Variants in ERICH1 observed in about 807,000 individuals in gnomAD.
The protein encoded by ERICH1 is glutamate-rich protein 1.
Under a neutral mutation model 39.6 loss-of-function variants are expected in ERICH1, and 56 were observed. The observed-to-expected ratio is 1.41, with a 90% confidence interval of 1.14 to 1.77. The LOEUF (loss-of-function observed/expected upper bound fraction) is 1.77, where lower values mean the gene tolerates loss of function less well. Among genes scored for constraint, ERICH1 ranks in the 40% most tolerant of loss-of-function variants. ERICH1 has a pLI of 0.00. For synonymous variants in ERICH1, 313 were observed against 223.6 expected, an observed-to-expected ratio of 1.40 and a Z score of -3.57; for missense variants, 826 against 575.4, an observed-to-expected ratio of 1.44 and a Z score of -4.45.
rs1804910648 is a variant in ERICH1 at position 676,706 on chromosome 8, ACCACGGGCGTCTGTGCCACGG to A, written c.305-2680_305-2660del. Among the ~76,000 whole-genome samples the A allele has an allele frequency of 5.3e-5, 8 of 152,296 alleles. No homozygotes were observed. In the South Asian group the frequency reaches 1.7e-3, roughly 32 times the overall value. On this transcript the variant is annotated intron_variant, in intron 3 of 5. Coordinates refer to ENST00000262109, the MANE Select transcript of ERICH1 (RefSeq NM_207332.3). Reference sequence around the variant, plus strand: ...CCAGACACTGATGGGTAAAGTCTATACCACGGGCGTCTGTGCCACGGCCGGCACACGGCTCCCGGGTGTTGC... The same window carrying A: ...CCAGACACTGATGGGTAAAGTCTATACCGGCACACGGCTCCCGGGTGTTGC...
At chr8:717,635 A>T (rs1816316975) in intron 1 of ERICH1, among the ~76,000 whole-genome samples, 1 of 152,246 alleles carries the variant, frequency 6.6e-6, no homozygotes, top group African/African-American at 2.4e-5. Context: ...AGCCAAAACA[A>T]ATTCTAAGAC....
At chr8:721,581 A>G (rs1475032325) in intron 1 of ERICH1, among the ~76,000 whole-genome samples, 3 of 152,218 alleles carry the variant, frequency 2.0e-5, no homozygotes, top group African/African-American at 7.2e-5. Context: ...TTTTAGACCA[A>G]AACCACACTG....
chr8:676,682 C>T (rs1237912358), intron 3 of ERICH1, among the ~76,000 whole-genome samples: 1 of 152,234 alleles, frequency 6.6e-6, no homozygotes, highest in East Asian at 1.9e-4. Flanking sequence ...AAGCCCCGCC[C>T]AGACACTGAT....
chr8:616,433 C>T (rs910069581), intron 3 of ERICH1: 3 of 435,428 alleles, frequency 6.9e-6, no homozygotes, highest in Non-Finnish European at 4.6e-6. Context: ...CCGCACACCC[C>T]ATGCTCTCCT....
intron 3 of ERICH1, chr8:627,378 TGA>T: frequency 2.7e-6 from 1 of 364,552 alleles, no homozygotes; most frequent in Non-Finnish European, 5.5e-6. Flanking sequence ...TGCACCTCAC[TGA>T]GAGCCTCGAC....
Position 668,639 on chromosome 8 carries a change from T to G in ERICH1, c.1217A>C (p.His406Pro). Residue 406 changes from histidine (H) to proline (P), a missense_variant, in exon 5 of 6, where the codon CAT becomes CCT. Coordinates refer to ENST00000262109, the MANE Select transcript of ERICH1 (RefSeq NM_207332.3). Reference sequence around the variant, plus strand: ...ATGTTCTGGGAACATTTCCAGAGCATGCTTCAATCTCTCAGTATCTTGCAG... The same window carrying G: ...ATGTTCTGGGAACATTTCCAGAGCAGGCTTCAATCTCTCAGTATCTTGCAG... ...LLLQDTERLKHALEMFPEHCT... is the reference protein window; with the variant it reads ...LLLQDTERLKPALEMFPEHCT... The G allele has an allele frequency of 6.2e-7, 1 of 1,614,262 alleles. No individual in the cohort carries two copies. Among genetic ancestry groups the G allele is most frequent in the East Asian group, 2.2e-5 (1 of 44,888 alleles).
At chr8:687,637 A>AGC (rs528671729) in intron 3 of ERICH1, among the ~76,000 whole-genome samples, 201 of 152,238 alleles carry the variant, frequency 1.3e-3, no homozygotes, top group African/African-American at 4.7e-3. Context: ...GGAGGAAGGC[A>AGC]GCGCGCGGGG....
chr8:665,054 G>T (rs183931008), intron 5 of ERICH1, among the ~76,000 whole-genome samples: 1 of 152,210 alleles, frequency 6.6e-6, no homozygotes, highest in Non-Finnish European at 1.5e-5. Flanking sequence ...TCTCAAGGGT[G>T]AGCAAGTAGA....
At chr8:726,792 A>C (rs1379625678) in intron 1 of ERICH1, among the ~76,000 whole-genome samples, 2 of 151,818 alleles carry the variant, frequency 1.3e-5, no homozygotes, top group Non-Finnish European at 2.9e-5. Context: ...CACATACATG[A>C]ACATGGACAC....
At chr8:642,128 G>A (rs1036470847) in intron 3 of ERICH1, among the ~76,000 whole-genome samples, 4 of 152,116 alleles carry the variant, frequency 2.6e-5, no homozygotes, top group African/African-American at 9.7e-5. Flanking sequence ...AAAAAGGGGC[G>A]TGTGCAGATT....
intron 3 of ERICH1, among the ~76,000 whole-genome samples, chr8:652,349 T>C (rs1351774934): frequency 6.6e-6 from 1 of 152,148 alleles, no homozygotes; most frequent in East Asian, 1.9e-4. Context: ...TGGACAGAGA[T>C]AAATGAGACA....
chr8:668,421 T>G, intron 5 of ERICH1, 177 bp downstream of exon 5: 1 of 636,334 alleles, frequency 1.6e-6, no homozygotes, highest in South Asian at 2.0e-5. Flanking sequence ...GAAATATTTT[T>G]ATATCAAGCA....
chr8:685,081 C>T (rs1236178701), intron 3 of ERICH1, among the ~76,000 whole-genome samples: 1 of 152,216 alleles, frequency 6.6e-6, no homozygotes, highest in African/African-American at 2.4e-5. Flanking sequence ...GGGGGCGCTG[C>T]AGGAGACCAG....
chr8:711,585 G>A (rs1204234946), intron 2 of ERICH1, among the ~76,000 whole-genome samples: 1 of 151,080 alleles, frequency 6.6e-6, no homozygotes, highest in Non-Finnish European at 1.5e-5. Flanking sequence ...TGCAACCTCT[G>A]CTCCTGGGTT....
intron 2 of ERICH1, among the ~76,000 whole-genome samples, chr8:704,115 A>C (rs1812746437): frequency 6.6e-6 from 1 of 152,220 alleles, no homozygotes; most frequent in South Asian, 2.1e-4. Context: ...TTAGCCCAGA[A>C]TCCTACACCC....
At chr8:697,987 G>A (rs2132137765) in intron 2 of ERICH1, among the ~76,000 whole-genome samples, 1 of 152,278 alleles carries the variant, frequency 6.6e-6, no homozygotes, top group Middle Eastern at 3.4e-3. Context: ...GCTGGGCCCA[G>A]GTTGGAGAGC....
chr8:677,748 G>C (rs533438863), intron 3 of ERICH1, among the ~76,000 whole-genome samples: 2 of 152,202 alleles, frequency 1.3e-5, no homozygotes, highest in African/African-American at 4.8e-5. Context: ...CTGCCTTCAT[G>C]AATTTGGAGA....
intron 4 of ERICH1, among the ~76,000 whole-genome samples, chr8:669,727 A>G (rs904481389): frequency 6.6e-6 from 1 of 152,268 alleles, no homozygotes; most frequent in Non-Finnish European, 1.5e-5. Context: ...ACATCGCTTA[A>G]AAAAAGAATC....
At chr8:717,772 C>CGA (rs1563345413) in intron 1 of ERICH1, among the ~76,000 whole-genome samples, 1 of 152,222 alleles carries the variant, frequency 6.6e-6, no homozygotes, top group Non-Finnish European at 1.5e-5. Flanking sequence ...CAGCTGCCTG[C>CGA]GAGTGTCTGG....
Sources: allele counts gnomAD v4.1 joint callset (sites outside exome capture counted in the v4.1 genomes callset), GRCh38; gene constraint gnomAD v4.1.1; transcripts MANE v1.5; gene names NCBI Gene and HGNC (gene_info 2026-07-23, HGNC 2026-07-21).